Variants in UBASH3B observed in about 807,000 individuals in gnomAD.
UBASH3B encodes ubiquitin associated and SH3 domain containing B.
In UBASH3B, 37 loss-of-function variants were observed where a neutral mutation model predicts 83.4. The observed-to-expected ratio is 0.44, with a 90% CI of 0.34 to 0.58. The LOEUF (loss-of-function observed/expected upper bound fraction) is 0.58, where lower values mean the gene tolerates loss of function less well. UBASH3B is among the 20% of genes least tolerant of loss of function. The probability of loss-of-function intolerance (pLI) is 0.01; values close to 1 mark genes in which losing one functional copy is unlikely to be tolerated. For synonymous variants in UBASH3B, 304 were observed against 318.3 expected (o/e 0.96, Z 0.48); for missense variants, 657 against 827.2 (o/e 0.79, Z 2.52).
Position 122,794,807 on chromosome 11 carries a change from TCTTACTATCATCTGCCAG to T in UBASH3B, c.1088_1105del (p.Leu363_Gln368del). Reference sequence around the variant, plus strand: ...ACCAGGGGCTCGGGGAGACGACTCCTCTTACTATCATCTGCCAGCCCATGCAGGTAAGGCTGATTGCTA... The same window carrying T: ...ACCAGGGGCTCGGGGAGACGACTCCTCCCATGCAGGTAAGGCTGATTGCTA... On this transcript the variant is annotated inframe_deletion, in exon 7 of 14. Transcript: ENST00000284273. 1 of 1,613,928 alleles carries T rather than the reference TCTTACTATCATCTGCCAG, an allele frequency of 6.2e-7. No homozygotes were observed. The highest frequency in any genetic ancestry group is 8.5e-7 in the Non-Finnish European group (1 of 1,179,938).
At chr11:122,702,848 T>A (rs1051004872) in intron 1 of UBASH3B, among the ~76,000 whole-genome samples, 3 of 152,000 alleles carry the variant, frequency 2.0e-5, no homozygotes, top group Non-Finnish European at 4.4e-5. Context: ...CAGGAAAAAT[T>A]TATATTCTCC....
Position 122,759,081 on chromosome 11 carries a change from T to A in UBASH3B, c.162-17138T>A, listed in dbSNP as rs550568984. ...CAGTCTTACAAGATTGCAGTCAAGG[T>A]GTTGGCCAGGCCGTGTTCTCACCAG... On this transcript the variant is annotated intron_variant, in intron 1 of 13. Transcript: ENST00000284273. This position sits in a 1 kb window ranked among gnomAD's most constrained non-coding sequence, Gnocchi z 4.1. 1.1e-4 allele frequency among the ~76,000 whole-genome samples: 16 copies of A among 152,298 alleles called. No homozygotes were observed. Among genetic ancestry groups the A allele is most frequent in the African/African-American group, 3.6e-4 (15 of 41,564 alleles).
chr11:122,762,541 T>C (rs1861388265), intron 1 of UBASH3B, among the ~76,000 whole-genome samples: 1 of 152,214 alleles, frequency 6.6e-6, no homozygotes, highest in Non-Finnish European at 1.5e-5. Flanking sequence ...GTTGCTTTCT[T>C]CTTCTCCACG....
At position 122,710,569 on chromosome 11, in the gene UBASH3B, C is replaced by T. The variant is rs557282905; in HGVS notation, c.161+54359C>T. Among the ~76,000 whole-genome samples, 10 of 152,202 alleles carry T rather than the reference C, an allele frequency of 6.6e-5. No individual in the cohort carries two copies. In the East Asian group the frequency reaches 1.3e-3, roughly 21 times the overall value. ...TCAAACGTTCATCCATCCATCTGGT[C>T]GTGGTATCCTCAATCTCTGCCTCCA... is the stretch of plus-strand genomic sequence containing the variant. On this transcript the variant is annotated intron_variant, in intron 1 of 13. Coordinates refer to ENST00000284273, the MANE Select transcript of UBASH3B (RefSeq NM_032873.5).
intron 1 of UBASH3B, among the ~76,000 whole-genome samples, chr11:122,740,758 G>A (rs934653078): frequency 6.6e-6 from 1 of 152,170 alleles, no homozygotes; most frequent in Non-Finnish European, 1.5e-5. Flanking sequence ...AGGCAGAAAG[G>A]TCAGTTGAGG....
intron 9 of UBASH3B, among the ~76,000 whole-genome samples, chr11:122,798,636 G>A (rs952874687): frequency 6.7e-5 from 10 of 149,906 alleles, no homozygotes; most frequent in Non-Finnish European, 7.4e-5. Flanking sequence ...GCTTGAACCC[G>A]GGAGGCAGAG....
At position 122,811,808 on chromosome 11, in the gene UBASH3B, T is replaced by C. The variant is rs1861453644; in HGVS notation, c.*1922T>C. 1.3e-5 allele frequency: 2 copies of C among 152,198 alleles called. No individual in the cohort carries two copies. The highest frequency in any genetic ancestry group is 4.8e-5 in the African/African-American group (2 of 41,456). 9.4% of individuals were successfully genotyped at this position (152,198 alleles called of 1,614,324 possible). ...GGAGGGAATATTCCCAATAAAGGTCTTAAGAGAAAAGTCACATTACAAGTA... is the reference window on the plus strand; with the variant it reads ...GGAGGGAATATTCCCAATAAAGGTCCTAAGAGAAAAGTCACATTACAAGTA... On this transcript the variant is annotated 3_prime_UTR_variant, in exon 14 of 14. Transcript: ENST00000284273.
At position 122,731,746 on chromosome 11, in the gene UBASH3B, C is replaced by A. The variant is rs541217703; in HGVS notation, c.162-44473C>A. Among the ~76,000 whole-genome samples the A allele has an allele frequency of 2.6e-5, 4 of 152,254 alleles. No individual in the cohort carries two copies. The South Asian group carries it at 6.2e-4, about 24-fold the overall frequency. ...CAATTTTTCACTTAATATTTTTGGA[C>A]CACAGTTGACCACTGGTAACTGAAC... On this transcript the variant is annotated intron_variant, in intron 1 of 13. Transcript: ENST00000284273.
chr11:122,724,715 C>T (rs1860701431), intron 1 of UBASH3B, among the ~76,000 whole-genome samples: 1 of 152,046 alleles, frequency 6.6e-6, no homozygotes, highest in Non-Finnish European at 1.5e-5. Flanking sequence ...GGCAACAGCA[C>T]ACACAGGGCC....
chr11:122,774,849 G>A (rs1194257191), intron 1 of UBASH3B, among the ~76,000 whole-genome samples: 5 of 151,822 alleles, frequency 3.3e-5, no homozygotes, highest in Non-Finnish European at 7.4e-5. Flanking sequence ...CCACATCAAC[G>A]ACCACCACGC....
At chr11:122,698,807 G>T (rs776695066) in intron 1 of UBASH3B, among the ~76,000 whole-genome samples, 2 of 152,096 alleles carry the variant, frequency 1.3e-5, no homozygotes, top group Non-Finnish European at 2.9e-5. Flanking sequence ...ATCTGAAGTT[G>T]TGGTTATAAA....
chr11:122,794,666 C>G, intron 6 of UBASH3B, 36 bp from the exon 7 acceptor site: 1 of 1,613,364 alleles, frequency 6.2e-7, no homozygotes, highest in African/African-American at 1.3e-5. Context: ...GACTGCTGGC[C>G]AGAGCAGTTA....
At chr11:122,688,983 G>A (rs57824355) in intron 1 of UBASH3B, among the ~76,000 whole-genome samples, 11 of 81,736 alleles carry the variant, frequency 1.3e-4, no homozygotes, top group Non-Finnish European at 2.3e-4. Flanking sequence ...GGAGGCGGGG[G>A]GGGGGGGGGT....
intron 7 of UBASH3B, among the ~76,000 whole-genome samples, chr11:122,795,426 G>T (rs1164045339): frequency 6.6e-6 from 1 of 152,188 alleles, no homozygotes; most frequent in Non-Finnish European, 1.5e-5. Flanking sequence ...GCAACTAGAA[G>T]CAAATGTGAA....
chr11:122,681,588 A>G (rs1227696377), intron 1 of UBASH3B, among the ~76,000 whole-genome samples: 6 of 152,246 alleles, frequency 3.9e-5, no homozygotes, highest in Admixed American at 1.3e-4. Context: ...CTGGTCATCC[A>G]CTGTTTGAAT....
chr11:122,667,247 A>G (rs1291052053), intron 1 of UBASH3B, among the ~76,000 whole-genome samples: 3 of 151,818 alleles, frequency 2.0e-5, no homozygotes, highest in African/African-American at 7.3e-5. Context: ...GGGTTTTGCC[A>G]TGTTGGCCAG....
At chr11:122,750,391 AC>A (rs983604926) in intron 1 of UBASH3B, among the ~76,000 whole-genome samples, 19 of 151,776 alleles carry the variant, frequency 1.3e-4, no homozygotes, top group African/African-American at 4.6e-4. Flanking sequence ...ACCCTCAGTT[AC>A]CCCCACAGAA....
chr11:122,712,636 G>A (rs1239417469), intron 1 of UBASH3B, among the ~76,000 whole-genome samples: 1 of 152,104 alleles, frequency 6.6e-6, no homozygotes, highest in Admixed American at 6.6e-5. Flanking sequence ...GTACCCAACA[G>A]CCCTGACTAG....
At chr11:122,663,786 C>T (rs1027782726) in intron 1 of UBASH3B, among the ~76,000 whole-genome samples, 1 of 152,226 alleles carries the variant, frequency 6.6e-6, no homozygotes, top group African/African-American at 2.4e-5. Flanking sequence ...CTTTGAATTC[C>T]AGCTCTGCCT....
Sources: allele counts gnomAD v4.1 joint callset (sites outside exome capture counted in the v4.1 genomes callset), GRCh38; gene constraint gnomAD v4.1.1; non-coding constraint Gnocchi (gnomAD v3.1); transcripts MANE v1.5; gene names NCBI Gene and HGNC (gene_info 2026-07-23, HGNC 2026-07-21).